Variants in PCCA observed in about 807,000 individuals in gnomAD.
PCCA encodes propionyl-CoA carboxylase alpha chain, mitochondrial.
PCCA carries 74 observed loss-of-function variants against 101.3 expected under a neutral mutation model. That is an observed-to-expected ratio of 0.73 (90% CI 0.61 to 0.89). PCCA has a LOEUF of 0.89. Ranked by LOEUF, PCCA falls within the 40% of genes least tolerant of loss-of-function variation. The probability of loss-of-function intolerance (pLI) is 0.00; values close to 1 mark genes in which losing one functional copy is unlikely to be tolerated. For missense variants in PCCA, 891 were observed against 907.0 expected (o/e 0.98, Z 0.23); for synonymous variants, 294 against 313.6 (o/e 0.94, Z 0.66).
At chr13:100,407,060 A>G (rs567522231) in intron 19 of PCCA, among the ~76,000 whole-genome samples, 21 of 152,368 alleles carry the variant, frequency 1.4e-4, no homozygotes, top group African/African-American at 3.4e-4. Flanking sequence ...TTAGAAACAC[A>G]ACTGACAAAG....
chr13:100,406,427 G>A (rs1030301964), intron 19 of PCCA, among the ~76,000 whole-genome samples: 21 of 152,164 alleles, frequency 1.4e-4, no homozygotes, highest in African/African-American at 2.9e-4. Context: ...AAAATTGGCC[G>A]GGTGCGGCCG....
At chr13:100,267,467 AT>A (rs1193797688) in intron 10 of PCCA, among the ~76,000 whole-genome samples, 3 of 151,986 alleles carry the variant, frequency 2.0e-5, no homozygotes, top group African/African-American at 4.8e-5. Context: ...TCTTTATTTG[AT>A]TTTTTTCAGA....
At chr13:100,463,343 T>C (rs1017851882) in intron 21 of PCCA, among the ~76,000 whole-genome samples, 43 of 148,408 alleles carry the variant, frequency 2.9e-4, no homozygotes, top group African/African-American at 9.6e-4. Context: ...GTGGTTTTTT[T>C]TTTTTTTTTT....
At chr13:100,489,029 G>T (rs2084658643) in intron 21 of PCCA, among the ~76,000 whole-genome samples, 1 of 152,136 alleles carries the variant, frequency 6.6e-6, no homozygotes, top group South Asian at 2.1e-4. Flanking sequence ...GTTTTGGCTG[G>T]GTGCGGTGGC....
chr13:100,415,276 A>G (rs541941154), intron 19 of PCCA, among the ~76,000 whole-genome samples: 1 of 152,044 alleles, frequency 6.6e-6, no homozygotes, highest in South Asian at 2.1e-4. Flanking sequence ...GCATGATGGC[A>G]AACATCTGTA....
At chr13:100,246,096 C>A (rs670267) in intron 8 of PCCA, among the ~76,000 whole-genome samples, 15,985 of 152,130 alleles carry the variant, frequency 0.11, 928 homozygotes, top group Middle Eastern at 0.2. Flanking sequence ...TGTGGGCTGC[C>A]CCTAGGAAGG....
At chr13:100,090,811 A>T (rs887188500) in intron 1 of PCCA, among the ~76,000 whole-genome samples, 1 of 152,240 alleles carries the variant, frequency 6.6e-6, no homozygotes, top group African/African-American at 2.4e-5. Context: ...GATGAAAGTG[A>T]GGCACTGAGT....
intron 19 of PCCA, among the ~76,000 whole-genome samples, chr13:100,402,692 C>G (rs2077439580): frequency 3.3e-5 from 5 of 152,018 alleles, no homozygotes; most frequent in Admixed American, 3.3e-4. Context: ...AAGACCCAGC[C>G]CTATTTAGCA....
chr13:100,328,594 T>A (rs1221017294), intron 16 of PCCA, among the ~76,000 whole-genome samples: 2 of 151,522 alleles, frequency 1.3e-5, no homozygotes, highest in African/African-American at 4.8e-5. Flanking sequence ...ACAGATTTTT[T>A]CCTCCATATT....
At chr13:100,237,942 T>TCTTTCTTTC (rs376456569) in intron 8 of PCCA, among the ~76,000 whole-genome samples, 212 of 146,522 alleles carry the variant, frequency 1.4e-3, no homozygotes, top group South Asian at 2.4e-3. Context: ...TTTCTTTCTT[T>TCTTTCTTTC]TTTTTTTTTT....
intron 19 of PCCA, among the ~76,000 whole-genome samples, chr13:100,414,430 G>A (rs1385447935): frequency 1.3e-5 from 2 of 152,120 alleles, no homozygotes; most frequent in African/African-American, 2.4e-5. Flanking sequence ...CCCTTTTTGT[G>A]TTATGTTAAG....
At chr13:100,392,809 A>G (rs1044024896) in intron 19 of PCCA, among the ~76,000 whole-genome samples, 11 of 152,212 alleles carry the variant, frequency 7.2e-5, no homozygotes, top group Admixed American at 7.2e-4. Context: ...TTTGGAGAAA[A>G]AAGTCACAGA....
At chr13:100,138,136 GT>G (rs1412736010) in intron 4 of PCCA, among the ~76,000 whole-genome samples, 3 of 151,848 alleles carry the variant, frequency 2.0e-5, no homozygotes, top group African/African-American at 7.3e-5. Flanking sequence ...TTGGGCTACT[GT>G]TTTATTATTT....
intron 18 of PCCA, among the ~76,000 whole-genome samples, chr13:100,341,971 A>ATATATATATATATATATATATATG (rs1566963595): frequency 9.0e-6 from 1 of 111,684 alleles, no homozygotes; most frequent in Non-Finnish European, 2.0e-5. Flanking sequence ...ATATATATAT[A>ATATATATATATATATATATATATG]TATATATATA....
intron 20 of PCCA, among the ~76,000 whole-genome samples, chr13:100,442,607 C>T (rs1054298159): frequency 1.3e-5 from 2 of 152,178 alleles, no homozygotes; most frequent in Non-Finnish European, 2.9e-5. Flanking sequence ...ATGGCCTAGG[C>T]AGTGTTCTAG....
At chr13:100,451,738 C>CTT (rs1260624656) in intron 21 of PCCA, among the ~76,000 whole-genome samples, 1 of 97,308 alleles carries the variant, frequency 1.0e-5, no homozygotes, top group Non-Finnish European at 2.1e-5. Flanking sequence ...CTCTCTCTCT[C>CTT]TTCTCTCCTT....
rs1044866537 is a variant in PCCA at position 100,317,392 on chromosome 13, T to C, written c.1429+7484T>C. On this transcript the variant is annotated intron_variant, in intron 16 of 23. Transcript: ENST00000376285. ...CCCCCATAAGTAGGAACGTCTGTTT[T>C]CTGATGTATACCATCGAATCTGCCT... Among the ~76,000 whole-genome samples the C allele has an allele frequency of 3.3e-5, 5 of 152,356 alleles. 1 individual carries two copies. The East Asian group carries it at 7.7e-4, about 24-fold the overall frequency.
intron 22 of PCCA, among the ~76,000 whole-genome samples, chr13:100,523,714 A>G (rs894077362): frequency 2.0e-5 from 3 of 152,332 alleles, no homozygotes; most frequent in Middle Eastern, 3.4e-3. Context: ...TGGATGAAAG[A>G]TACAGGATTC....
chr13:100,179,376 A>G (rs1641936103), intron 6 of PCCA, among the ~76,000 whole-genome samples: 2 of 150,782 alleles, frequency 1.3e-5, no homozygotes, highest in South Asian at 2.1e-4. Flanking sequence ...ATTTTACTGG[A>G]AAAAAAAGAC....
Sources: allele counts gnomAD v4.1 joint callset (sites outside exome capture counted in the v4.1 genomes callset), GRCh38; gene constraint gnomAD v4.1.1; transcripts MANE v1.5; gene names NCBI Gene and HGNC (gene_info 2026-07-23, HGNC 2026-07-21).